The following FOXP2 variants were observed in gnomAD, a reference collection of about 807,000 sequenced individuals.
The protein encoded by FOXP2 is forkhead box protein P2.
In FOXP2, 12 loss-of-function variants were observed where a neutral mutation model predicts 115.8. The observed-to-expected ratio is 0.10, with a 90% confidence interval of 0.07 to 0.17. The LOEUF (loss-of-function observed/expected upper bound fraction) is 0.17, where lower values mean the gene tolerates loss of function less well. Ranked by LOEUF, FOXP2 falls within the 10% of genes least tolerant of loss-of-function variation. The pLI, the probability that FOXP2 is intolerant of heterozygous loss-of-function variation, is 1.00. For missense variants in FOXP2, 629 were observed against 843.5 expected, an observed-to-expected ratio of 0.75 and a Z score of 3.15; for synonymous variants, 328 against 297.7, an observed-to-expected ratio of 1.10 and a Z score of -1.05.
intron 1 of FOXP2, among the ~76,000 whole-genome samples, chr7:114,256,430 TA>T (rs2129170513): frequency 6.6e-6 from 1 of 152,288 alleles, no homozygotes; most frequent in African/African-American, 2.4e-5. Context: ...TTGTGGTTTT[TA>T]TTTGCATTTC....
Position 114,379,009 on chromosome 7 carries a change from A to G in FOXP2, c.-10-47493A>G, listed in dbSNP as rs186581071. ...TTTCATTGAAAACAACAAAAGGATC[A>G]AATATAGGAGGTAAAATGACTCTCT... On this transcript the variant is annotated intron_variant, in intron 2 of 17. Transcript: ENST00000634411. Among the ~76,000 whole-genome samples, 306 of 152,198 alleles carry G rather than the reference A, an allele frequency of 2.0e-3. 2 individuals carry two copies. The highest frequency in any genetic ancestry group is 7.1e-3 in the African/African-American group (293 of 41,556).
intron 2 of FOXP2, among the ~76,000 whole-genome samples, chr7:114,449,656 C>T (rs938934490): frequency 3.3e-5 from 5 of 152,048 alleles, no homozygotes; most frequent in Non-Finnish European, 7.4e-5. Flanking sequence ...GCATAGAATG[C>T]ATAGTTTTAG....
At chr7:114,096,997 TTTGA>T (rs1415404877) in intron 1 of FOXP2, among the ~76,000 whole-genome samples, 2 of 148,978 alleles carry the variant, frequency 1.3e-5, no homozygotes, top group Non-Finnish European at 2.9e-5. Flanking sequence ...AAAATAATAC[TTTGA>T]TTACTTTATT....
intron 2 of FOXP2, among the ~76,000 whole-genome samples, chr7:114,475,567 C>T (rs528057931): frequency 5.3e-4 from 81 of 151,942 alleles, no homozygotes; most frequent in African/African-American, 1.8e-3. Context: ...AGAAACTAAA[C>T]GAAGTAGTGG....
rs749254802 is a variant in FOXP2, at chr7:114,631,590, G to C, written c.660G>C (p.Gln220His). The part of the protein sequence containing the change: ...LAAQQLVFQQ[Q>H]LLQMQQLQQQ... Reference sequence around the variant, plus strand: ...CCCAGCAGCTTGTCTTCCAGCAGCAGCTTCTCCAGATGCAACAACTCCAGC... The same window carrying C: ...CCCAGCAGCTTGTCTTCCAGCAGCACCTTCTCCAGATGCAACAACTCCAGC... Residue 220 changes from glutamine (Q) to histidine (H), a missense_variant, in exon 6 of 17, where the codon CAG becomes CAC. Transcript: ENST00000350908. 40 of 1,609,426 alleles carry C rather than the reference G, an allele frequency of 2.5e-5. No homozygotes were observed. Among genetic ancestry groups the C allele is most frequent in the Non-Finnish European group, 3.4e-5 (40 of 1,177,816 alleles).
At chr7:114,318,089 AT>A (rs1189004951) in intron 2 of FOXP2, among the ~76,000 whole-genome samples, 1 of 151,708 alleles carries the variant, frequency 6.6e-6, no homozygotes, top group Non-Finnish European at 1.5e-5. Context: ...ATTTTTTCAC[AT>A]TTTTCTCATT....
chr7:114,423,527 A>G (rs899454923), intron 1 of FOXP2, among the ~76,000 whole-genome samples: 4 of 151,632 alleles, frequency 2.6e-5, no homozygotes, highest in African/African-American at 9.7e-5. Context: ...AGTTCAGACA[A>G]ACATTAAAAC....
chr7:114,095,614 A>G lies in FOXP2; in HGVS notation c.-247+7776A>G, dbSNP rs191686697. On this transcript the variant is annotated intron_variant, in intron 1 of 19. Coordinates refer to the FOXP2 transcript ENST00000635638. ...GATCACATTAGGATTAAGAAACATA[A>G]ATATCCACCTGGCATTCTTTTCCCT... is the stretch of plus-strand genomic sequence containing the variant. 1.2e-4 allele frequency among the ~76,000 whole-genome samples: 18 copies of G among 152,264 alleles called. No individual in the cohort carries two copies. The East Asian group carries it at 3.5e-3, about 29-fold the overall frequency.
chr7:114,161,362 C>T (rs531038161), upstream of FOXP2, among the ~76,000 whole-genome samples: 76 of 151,966 alleles, frequency 5.0e-4, no homozygotes, highest in African/African-American at 7.2e-4. Flanking sequence ...TAAATAATTG[C>T]GAATATCATT....
chr7:114,098,465 A>G (rs1799701159), intron 1 of FOXP2, among the ~76,000 whole-genome samples: 2 of 152,218 alleles, frequency 1.3e-5, no homozygotes. Context: ...AAGAGGACAC[A>G]ATGGGGAAAG....
At chr7:114,587,643 G>C (rs114180507) in intron 3 of FOXP2, among the ~76,000 whole-genome samples, 1 of 151,660 alleles carries the variant, frequency 6.6e-6, no homozygotes, top group Admixed American at 6.6e-5. Context: ...TAAAAATGTA[G>C]TAATTGTTAA....
chr7:114,462,622 C>CAGCCTCCCAA (rs976327519), intron 2 of FOXP2, among the ~76,000 whole-genome samples: 4 of 152,232 alleles, frequency 2.6e-5, no homozygotes, highest in African/African-American at 9.6e-5. Context: ...CCGCCCGCCT[C>CAGCCTCCCAA]AGCCTCCCAA....
chr7:114,569,353 A>G (rs1052222153), intron 3 of FOXP2, among the ~76,000 whole-genome samples: 1 of 151,890 alleles, frequency 6.6e-6, no homozygotes, highest in African/African-American at 2.4e-5. Context: ...TTTAAATTGC[A>G]GTGTGAGAGT....
intron 16 of FOXP2, chr7:114,666,391 G>A (rs972472728): frequency 1.3e-5 from 2 of 151,908 alleles, no homozygotes; most frequent in Admixed American, 1.3e-4. Flanking sequence ...TTGCATAATA[G>A]ATGTCAAATA....
rs143449122 is a variant in FOXP2, at chr7:114,319,630, G to A, written c.-11+31521G>A. Among the ~76,000 whole-genome samples the A allele has an allele frequency of 3.3e-5, 5 of 152,102 alleles. No individual in the cohort carries two copies. In the East Asian group the frequency reaches 9.7e-4, roughly 30 times the overall value. On this transcript the variant is annotated intron_variant, in intron 2 of 17. Coordinates refer to the FOXP2 transcript ENST00000634411. ...CATTCACTATCACAAGAACAACATG[G>A]GAAAGACCCACCCCCATGAATCAGT...
At chr7:114,327,841 T>C (rs1398937010) in intron 2 of FOXP2, among the ~76,000 whole-genome samples, 1 of 151,674 alleles carries the variant, frequency 6.6e-6, no homozygotes, top group African/African-American at 2.4e-5. Context: ...TTTTTTTCTT[T>C]TCTTTTCATG....
Position 114,691,866 on chromosome 7 carries a change from A to G in FOXP2, c.*1940A>G. ...CATCTATCACACCAAATAAAAGGAC[A>G]TAACGGCTTTCAAAAGGGTTTTCCC... On this transcript the variant is annotated 3_prime_UTR_variant, in exon 17 of 17. Transcript: ENST00000350908. The G allele has an allele frequency of 4.4e-6, 2 of 453,506 alleles. No individual in the cohort carries two copies. Among genetic ancestry groups the G allele is most frequent in the Non-Finnish European group, 8.8e-6 (2 of 226,540 alleles). The allele number at this position is 453,506 out of a possible 1,614,324, so 28.1% of individuals were successfully genotyped here.
chr7:114,390,387 T>TGAGTTGAG (rs1376017820), intron 2 of FOXP2, among the ~76,000 whole-genome samples: 1 of 152,028 alleles, frequency 6.6e-6, no homozygotes, highest in Non-Finnish European at 1.5e-5. Context: ...ACTGAAGACT[T>TGAGTTGAG]GAGTTGAGAG....
At chr7:114,443,677 G>T (rs1407406496) in intron 2 of FOXP2, among the ~76,000 whole-genome samples, 1 of 152,062 alleles carries the variant, frequency 6.6e-6, no homozygotes, top group Admixed American at 6.6e-5. Context: ...TGCAGTATTT[G>T]GTTTCCTGTT....
Sources: allele counts gnomAD v4.1 joint callset (sites outside exome capture counted in the v4.1 genomes callset), GRCh38; gene constraint gnomAD v4.1.1; transcripts MANE v1.5; gene names NCBI Gene and HGNC (gene_info 2026-07-23, HGNC 2026-07-21).